CLASP2: variants seen among roughly 807,000 people sequenced by gnomAD.
The protein encoded by CLASP2 is cytoplasmic linker associated protein 2.
In CLASP2, 47 loss-of-function variants were observed where a neutral mutation model predicts 194.4. That is an observed-to-expected ratio of 0.24 (90% confidence interval 0.19 to 0.31). The LOEUF is 0.31. Ranked by LOEUF, CLASP2 falls within the 10% of genes least tolerant of loss-of-function variation. The pLI is 1.00. For missense variants in CLASP2, 1,445 were observed against 1,823.6 expected, an observed-to-expected ratio of 0.79 and a Z score of 3.78; for synonymous variants, 619 against 633.5, an observed-to-expected ratio of 0.98 and a Z score of 0.34.
chr3:33,557,337 T>C (rs1183665255), intron 29 of CLASP2, among the ~76,000 whole-genome samples: 2 of 151,810 alleles, frequency 1.3e-5, no homozygotes, highest in Non-Finnish European at 2.9e-5. Flanking sequence ...CATCTCTATA[T>C]ATATTATCTA....
chr3:33,562,403 T>C (rs1016131593), intron 27 of CLASP2, among the ~76,000 whole-genome samples: 2 of 152,172 alleles, frequency 1.3e-5, no homozygotes, highest in African/African-American at 4.8e-5. Flanking sequence ...ACATAGTCTA[T>C]GACAAATGCA....
chr3:33,553,220 C>G (rs1258472723), intron 29 of CLASP2, among the ~76,000 whole-genome samples: 1 of 152,068 alleles, frequency 6.6e-6, no homozygotes, highest in Non-Finnish European at 1.5e-5. Flanking sequence ...GGTTCTGACA[C>G]TTGTACATTT....
intron 36 of CLASP2, among the ~76,000 whole-genome samples, chr3:33,512,861 G>C (rs1199265473): frequency 6.6e-6 from 1 of 151,944 alleles, no homozygotes; most frequent in African/African-American, 2.4e-5. Flanking sequence ...GTGGTGGCAT[G>C]CACCTGTAGT....
intron 34 of CLASP2, among the ~76,000 whole-genome samples, chr3:33,524,944 G>A (rs939281602): frequency 6.6e-5 from 10 of 152,116 alleles, no homozygotes; most frequent in Admixed American, 2.6e-4. Context: ...GAAAACAGAG[G>A]ACTTAATACA....
At chr3:33,624,064 T>C (rs1031986952) in intron 10 of CLASP2, among the ~76,000 whole-genome samples, 2 of 152,112 alleles carry the variant, frequency 1.3e-5, no homozygotes, top group African/African-American at 4.8e-5. Context: ...AATATTTGAT[T>C]GCCAAATGTT....
intron 1 of CLASP2, among the ~76,000 whole-genome samples, chr3:33,707,722 A>T (rs2092758982): frequency 6.6e-6 from 1 of 152,216 alleles, no homozygotes; most frequent in South Asian, 2.1e-4. Flanking sequence ...GATCTAACTA[A>T]ATTACCAATT....
intron 13 of CLASP2, among the ~76,000 whole-genome samples, chr3:33,609,374 T>C (rs1457722480): frequency 6.6e-6 from 1 of 152,220 alleles, no homozygotes. Context: ...TATACAATGG[T>C]GATCAAGAAA....
At chr3:33,680,321 C>A (rs2089592098) in intron 6 of CLASP2, among the ~76,000 whole-genome samples, 1 of 152,126 alleles carries the variant, frequency 6.6e-6, no homozygotes, top group Admixed American at 6.5e-5. Context: ...TATATAACAC[C>A]AAGGGTCACC....
intron 24 of CLASP2, 71 bp downstream of exon 24, chr3:33,576,098 T>C (rs2064822688): frequency 8.4e-7 from 1 of 1,186,792 alleles, no homozygotes; most frequent in Non-Finnish European, 1.2e-6. Flanking sequence ...CCCACATGGA[T>C]AGACTGGCCT....
At chr3:33,544,585 A>G in intron 31 of CLASP2, 113 bp downstream of exon 31, 5 of 978,952 alleles carry the variant, frequency 5.1e-6, no homozygotes, top group Non-Finnish European at 7.3e-6. Context: ...GCTGCCAAAT[A>G]AAGATGCAAA....
At chr3:33,673,468 G>T (rs903788512) in intron 6 of CLASP2, among the ~76,000 whole-genome samples, 1 of 152,072 alleles carries the variant, frequency 6.6e-6, no homozygotes, top group Admixed American at 6.5e-5. Context: ...GGAACAACCA[G>T]TACCAGCCAC....
At position 33,584,910 on chromosome 3, in the gene CLASP2, C is replaced by T; in HGVS notation, c.2079G>A (p.Arg693=). The change falls in exon 22 of 39, where the codon CGG becomes CGA. Residue 693 remains arginine, a synonymous_variant. Coordinates refer to ENST00000682230, the MANE Select transcript of CLASP2 (RefSeq NM_001365631.1). ...KMVSQSQPGS[R]SGSPGRVLTT... ...TCAGAACTCTTCCTGGAGACCCAGA[C>T]CGGCTACCAGCTGAACACCAAACAC... 2 of 1,610,724 alleles carry T rather than the reference C, an allele frequency of 1.2e-6. No individual in the cohort carries two copies. Among genetic ancestry groups the T allele is most frequent in the Non-Finnish European group, 1.7e-6 (2 of 1,178,728 alleles).
chr3:33,702,966 CT>C (rs2092471040), intron 1 of CLASP2, among the ~76,000 whole-genome samples: 1 of 152,110 alleles, frequency 6.6e-6, no homozygotes, highest in African/African-American at 2.4e-5. Flanking sequence ...CAAAAATTAA[CT>C]CAAAGGATCA....
At position 33,670,119 on chromosome 3, in the gene CLASP2, TAC is replaced by T. The variant is rs201386330; in HGVS notation, c.645-6606_645-6605del. ...ATACATATACACGCACACATATATA[TAC>T]ACACACACACGTAAAAAACATAATT... On this transcript the variant is annotated intron_variant, in intron 6 of 38. Coordinates refer to ENST00000682230, the MANE Select transcript of CLASP2 (RefSeq NM_001365631.1). 2.3e-3 allele frequency among the ~76,000 whole-genome samples: 345 copies of T among 151,902 alleles called. 2 individuals are homozygous for T. Among genetic ancestry groups the T allele is most frequent in the African/African-American group, 8.0e-3 (332 of 41,448 alleles).
At chr3:33,675,911 C>G (rs1239920910) in intron 6 of CLASP2, among the ~76,000 whole-genome samples, 2 of 150,834 alleles carry the variant, frequency 1.3e-5, no homozygotes, top group Non-Finnish European at 3.0e-5. Flanking sequence ...GAACTACAAA[C>G]CACTGCTCAA....
chr3:33,688,220 G>GT (rs1328338285), intron 4 of CLASP2, 57 bp downstream of exon 4: 227 of 1,353,960 alleles, frequency 1.7e-4, no homozygotes, highest in South Asian at 5.7e-4. Flanking sequence ...GTGAACTGAG[G>GT]TTTTTTTTAG....
At chr3:33,554,223 C>A in intron 29 of CLASP2, among the ~76,000 whole-genome samples, 1 of 117,574 alleles carries the variant, frequency 8.5e-6, no homozygotes, top group Non-Finnish European at 1.8e-5. Context: ...GCGAAACTGT[C>A]TCAAAAAAAA....
chr3:33,531,235 A>C (rs2154128330), intron 34 of CLASP2, among the ~76,000 whole-genome samples: 1 of 152,342 alleles, frequency 6.6e-6, no homozygotes, highest in African/African-American at 2.4e-5. Context: ...GTGTCTCAAA[A>C]AATAATATCA....
At chr3:33,521,572 C>A (rs534857183) in intron 34 of CLASP2, among the ~76,000 whole-genome samples, 1 of 152,290 alleles carries the variant, frequency 6.6e-6, no homozygotes, top group East Asian at 1.9e-4. Context: ...GTGTCATGGT[C>A]ATGAGAGCTA....
Sources: allele counts gnomAD v4.1 joint callset (sites outside exome capture counted in the v4.1 genomes callset), GRCh38; gene constraint gnomAD v4.1.1; transcripts MANE v1.5; gene names NCBI Gene and HGNC (gene_info 2026-07-23, HGNC 2026-07-21).